The following DLGAP4 variants were observed in gnomAD, a reference collection of about 807,000 sequenced individuals.
DLGAP4 encodes the protein DLG associated protein 4.
A neutral mutation model predicts 86.9 loss-of-function variants in DLGAP4; 18 were observed. The ratio of observed to expected loss-of-function variants is 0.21; its 90% CI spans 0.14 to 0.31. DLGAP4 has a LOEUF of 0.31. DLGAP4 is among the 10% of genes least tolerant of loss of function. The pLI, the probability that DLGAP4 is intolerant of heterozygous loss-of-function variation, is 1.00. For synonymous variants in DLGAP4, 548 were observed against 574.3 expected (o/e 0.95, Z 0.65); for missense variants, 1,085 against 1,362.6 (o/e 0.80, Z 3.21).
intron 7 of DLGAP4, chr20:36,462,655 C>G (rs1234175732): frequency 2.6e-6 from 4 of 1,551,298 alleles, no homozygotes; most frequent in African/African-American, 2.8e-5. Context: ...TGGCCGCGGC[C>G]GAGGCTCCAT....
At chr20:36,437,321 T>C (rs2033316580) in intron 4 of DLGAP4, among the ~76,000 whole-genome samples, 1 of 152,146 alleles carries the variant, frequency 6.6e-6, no homozygotes, top group African/African-American at 2.4e-5. Context: ...ACTCGGGTGA[T>C]AGGTCCAGGT....
chr20:36,499,717 C>G (rs1433874329), intron 9 of DLGAP4, 41 bp downstream of exon 9: 1 of 1,519,192 alleles, frequency 6.6e-7, no homozygotes, highest in South Asian at 1.2e-5. Flanking sequence ...CCCCTCTCCT[C>G]TCCCTCCCTC....
At chr20:36,477,104 TTC>T (rs2034980060) in intron 7 of DLGAP4, among the ~76,000 whole-genome samples, 2 of 151,010 alleles carry the variant, frequency 1.3e-5, no homozygotes, top group African/African-American at 4.9e-5. Context: ...TTTCTCTTTT[TTC>T]TTTTTTTTTT....
At chr20:36,324,234 C>T (rs2065195992) in intron 1 of DLGAP4, among the ~76,000 whole-genome samples, 1 of 152,050 alleles carries the variant, frequency 6.6e-6, no homozygotes. Context: ...TGAAACCAGC[C>T]TGGCCAACAT....
chr20:36,314,074 C>CGG (rs1349015151), intron 1 of DLGAP4, among the ~76,000 whole-genome samples: 3 of 151,978 alleles, frequency 2.0e-5, no homozygotes, highest in African/African-American at 7.3e-5. Context: ...CCTGCCACCT[C>CGG]GGGGTGTGAG....
chr20:36,341,437 A>G (rs1490249671), intron 1 of DLGAP4, among the ~76,000 whole-genome samples: 1 of 152,240 alleles, frequency 6.6e-6, no homozygotes, highest in Non-Finnish European at 1.5e-5. Context: ...AGTGCCTGGC[A>G]TGTACCAACG....
intron 1 of DLGAP4, among the ~76,000 whole-genome samples, chr20:36,327,130 G>A (rs530447584): frequency 1.3e-5 from 2 of 151,100 alleles, no homozygotes; most frequent in Non-Finnish European, 2.9e-5. Context: ...CTCCCGAGTA[G>A]CTGGGACTAC....
intron 7 of DLGAP4, among the ~76,000 whole-genome samples, chr20:36,473,345 G>A (rs1029650870): frequency 6.6e-6 from 1 of 152,144 alleles, no homozygotes; most frequent in Non-Finnish European, 1.5e-5. Flanking sequence ...TTGTTGGGTG[G>A]CCTCAGGCAA....
At position 36,345,150 on chromosome 20, in the gene DLGAP4, G is replaced by A. The variant is rs16986067; in HGVS notation, c.-303-21895G>A. 5.5e-3 allele frequency among the ~76,000 whole-genome samples: 831 copies of A among 152,354 alleles called. 7 individuals are homozygous for A. Among genetic ancestry groups the A allele is most frequent in the African/African-American group, 0.019 (783 of 41,590 alleles). ...GAAAGGAAGGCTGGATTCTTGACAT[G>A]TCCCAGCTGGAAGGTTCCCAGGTAT... On this transcript the variant is annotated intron_variant, in intron 1 of 12. Transcript: ENST00000339266.
At chr20:36,309,726 C>A (rs2065036161) in intron 1 of DLGAP4, among the ~76,000 whole-genome samples, 1 of 152,258 alleles carries the variant, frequency 6.6e-6, no homozygotes, top group Non-Finnish European at 1.5e-5. Context: ...ACCTGTTCAG[C>A]CCTTCCTTCA....
At chr20:36,309,567 C>T (rs2065034843) in intron 1 of DLGAP4, among the ~76,000 whole-genome samples, 1 of 152,156 alleles carries the variant, frequency 6.6e-6, no homozygotes, top group African/African-American at 2.4e-5. Context: ...GGCCTGTAGC[C>T]CCTAAAGTCC....
rs563792067 is a variant in DLGAP4, at chr20:36,469,046, C to T, written c.1648+22109C>T. ...ATTATCTCAGTAGATCTTTATCCAACTTTGGAAAGTATTACTATTCTTATC... is the reference window on the plus strand; with the variant it reads ...ATTATCTCAGTAGATCTTTATCCAATTTTGGAAAGTATTACTATTCTTATC... On this transcript the variant is annotated intron_variant, in intron 7 of 12. Coordinates refer to ENST00000339266, the MANE Select transcript of DLGAP4 (RefSeq NM_001365621.2). 5.6e-4 allele frequency among the ~76,000 whole-genome samples: 85 copies of T among 152,306 alleles called. 1 individual carries two copies. The highest frequency in any genetic ancestry group is 1.9e-3 in the African/African-American group (81 of 41,578).
At chr20:36,463,995 A>G (rs2034222949) in intron 7 of DLGAP4, among the ~76,000 whole-genome samples, 1 of 152,204 alleles carries the variant, frequency 6.6e-6, no homozygotes, top group African/African-American at 2.4e-5. Flanking sequence ...AGTCACTGTC[A>G]TGCTGTTATC....
In DLGAP4 at chr20:36,439,901, G is replaced by T. The variant is rs754725636; in HGVS notation, c.1356+33G>T. On this transcript the variant is annotated intron_variant, in intron 5 of 12. Transcript: ENST00000339266. ...TGGCAGGGAGGCTGGAGAGTCAGGG[G>T]GCTTGGGTACTGATTCCCATCTGGG... The T allele has an allele frequency of 8.2e-6, 13 of 1,579,574 alleles. No individual in the cohort carries two copies. The Admixed American group carries it at 2.0e-4, about 25-fold the overall frequency.
At chr20:36,441,358 G>T (rs1484798537) in intron 5 of DLGAP4, among the ~76,000 whole-genome samples, 1 of 152,056 alleles carries the variant, frequency 6.6e-6, no homozygotes, top group Non-Finnish European at 1.5e-5. Context: ...TCAAATCTTT[G>T]CACAGCTGGC....
intron 10 of DLGAP4, among the ~76,000 whole-genome samples, chr20:36,503,190 T>C (rs2036217055): frequency 6.6e-6 from 1 of 152,196 alleles, no homozygotes; most frequent in African/African-American, 2.4e-5. Context: ...TTCTTTTTCT[T>C]TTCTCTTTTT....
intron 7 of DLGAP4, among the ~76,000 whole-genome samples, chr20:36,490,584 T>TG (rs1019588050): frequency 1.3e-5 from 2 of 152,196 alleles, no homozygotes; most frequent in Non-Finnish European, 2.9e-5. Context: ...CATCCATTCA[T>TG]GGGGGCCTTG....
At chr20:36,325,315 A>G (rs1555890938) in intron 1 of DLGAP4, among the ~76,000 whole-genome samples, 1 of 152,204 alleles carries the variant, frequency 6.6e-6, no homozygotes. Flanking sequence ...CTGAGATTAT[A>G]TAACATATTT....
At chr20:36,524,159 AG>A (rs1455582376) in intron 10 of DLGAP4, 90 bp from the exon 11 acceptor site, 3 of 964,144 alleles carry the variant, frequency 3.1e-6, no homozygotes, top group Non-Finnish European at 3.4e-6. Context: ...TTCTACCCTA[AG>A]GGAGTGTGGG....
Sources: gnomAD v4.1 joint callset for allele counts (sites outside exome capture counted in the v4.1 genomes callset) on GRCh38, gnomAD v4.1.1 for gene constraint, MANE v1.5 for transcripts, NCBI Gene and HGNC (gene_info 2026-07-23, HGNC 2026-07-21) for gene names.